Variants in NKAIN3 observed in about 807,000 individuals in gnomAD.
NKAIN3 encodes sodium/potassium-transporting ATPase subunit beta-1-interacting protein 3.
Under a neutral mutation model 30.2 loss-of-function variants are expected in NKAIN3, and 25 were observed. The observed-to-expected ratio is 0.83, with a 90% CI of 0.60 to 1.16. The LOEUF is 1.16. Ranked by LOEUF, NKAIN3 falls within the 50% of genes most tolerant of loss-of-function variation. The probability of loss-of-function intolerance (pLI) is 0.00; values close to 1 mark genes in which losing one functional copy is unlikely to be tolerated. For missense variants in NKAIN3, 225 were observed against 254.1 expected (o/e 0.89, Z 0.78); for synonymous variants, 91 against 89.6 (o/e 1.02, Z -0.09).
intron 1 of NKAIN3, among the ~76,000 whole-genome samples, chr8:62,323,157 A>C (rs1342243717): frequency 6.6e-6 from 1 of 152,164 alleles, no homozygotes; most frequent in Middle Eastern, 3.2e-3. Flanking sequence ...TTATCTTATG[A>C]CTCAGCAATT....
chr8:62,918,504 G>C lies in NKAIN3; in HGVS notation c.523G>C (p.Glu175Gln). ...TGTGATCAGTATTTCCATGGAAGAA[G>C]AAGACACATGTAAGTACTGTTTTCT... ...CYVISISMEE[E>Q]DTFDFIGGLD... is the part of the protein sequence containing the mutation. The change falls in exon 5 of 7, where the codon GAA becomes CAA. Residue 175 changes from glutamate to glutamine, a missense_variant. Coordinates refer to ENST00000623646, the MANE Select transcript of NKAIN3 (RefSeq NM_001304533.3). 1 of 1,611,496 alleles carries C rather than the reference G, an allele frequency of 6.2e-7. No homozygotes were observed. The highest frequency in any genetic ancestry group is 8.5e-7 in the Non-Finnish European group (1 of 1,177,790).
At chr8:62,291,692 G>T (rs1813639507) in intron 1 of NKAIN3, among the ~76,000 whole-genome samples, 1 of 152,200 alleles carries the variant, frequency 6.6e-6, no homozygotes, top group Non-Finnish European at 1.5e-5. Flanking sequence ...GCAGTGTGGT[G>T]CTGAGAAGAA....
At chr8:62,816,427 T>C (rs947725391) in intron 4 of NKAIN3, among the ~76,000 whole-genome samples, 2 of 152,176 alleles carry the variant, frequency 1.3e-5, no homozygotes, top group Non-Finnish European at 1.5e-5. Flanking sequence ...CAACTCTGCC[T>C]TGGGAGAAGG....
intron 1 of NKAIN3, among the ~76,000 whole-genome samples, chr8:62,522,128 A>G (rs1176357747): frequency 1.3e-5 from 2 of 152,136 alleles, no homozygotes; most frequent in African/African-American, 2.4e-5. Context: ...ATTCACATAT[A>G]AAACATGTAT....
rs573777699 is a variant in NKAIN3 at position 62,975,853 on chromosome 8, G to A, written c.*10446G>A. ...ATTTCCTTCTAAGCACTCCCTCTAAGCTCTATCCCAGAGATTCTGGTACAT... is the reference window on the plus strand; with the variant it reads ...ATTTCCTTCTAAGCACTCCCTCTAAACTCTATCCCAGAGATTCTGGTACAT... On this transcript the variant is annotated 3_prime_UTR_variant, in exon 7 of 7. Transcript: ENST00000623646. 2.6e-5 allele frequency among the ~76,000 whole-genome samples: 4 copies of A among 152,186 alleles called. No homozygotes were observed. The highest frequency in any genetic ancestry group is 1.3e-4 in the Admixed American group (2 of 15,268).
intron 6 of NKAIN3, among the ~76,000 whole-genome samples, chr8:62,964,010 G>T (rs967339888): frequency 7.2e-5 from 11 of 152,192 alleles, no homozygotes; most frequent in Admixed American, 7.2e-4. Context: ...GCTAGATGTG[G>T]TTATGAAGTG....
chr8:62,891,155 AG>A (rs1821285963), intron 4 of NKAIN3, among the ~76,000 whole-genome samples: 1 of 152,124 alleles, frequency 6.6e-6, no homozygotes, highest in Non-Finnish European at 1.5e-5. Context: ...GTGAACTGGG[AG>A]AGGCAGACCC....
At chr8:62,526,669 AC>A (rs1186526736) in intron 1 of NKAIN3, among the ~76,000 whole-genome samples, 1 of 152,100 alleles carries the variant, frequency 6.6e-6, no homozygotes, top group Non-Finnish European at 1.5e-5. Flanking sequence ...CTGTGTAAAT[AC>A]AGAATTACAG....
At chr8:62,871,681 G>T (rs150668064) in intron 4 of NKAIN3, among the ~76,000 whole-genome samples, 1 of 152,192 alleles carries the variant, frequency 6.6e-6, no homozygotes, top group African/African-American at 2.4e-5. Context: ...AGAGGAATTC[G>T]GGCTTTGGGA....
intron 1 of NKAIN3, among the ~76,000 whole-genome samples, chr8:62,507,606 C>A (rs1807683518): frequency 6.6e-6 from 1 of 152,142 alleles, no homozygotes; most frequent in South Asian, 2.1e-4. Flanking sequence ...TTGCAAACCA[C>A]AAAGCTGCCA....
rs1343006137 is a variant in NKAIN3 at position 62,345,675 on chromosome 8, T to C, written c.54+96548T>C. 2.2e-3 allele frequency among the ~76,000 whole-genome samples: 328 copies of C among 149,176 alleles called. 2 individuals carry two copies. Among genetic ancestry groups the C allele is most frequent in the African/African-American group, 7.7e-3 (313 of 40,620 alleles). ...CATATATACATATGTATACCTGGAA[T>C]ATATATACCAGACTATATATAATCA... On this transcript the variant is annotated intron_variant, in intron 1 of 6. Coordinates refer to ENST00000623646, the MANE Select transcript of NKAIN3 (RefSeq NM_001304533.3).
At chr8:62,988,166 C>T (rs998498789), downstream of NKAIN3, among the ~76,000 whole-genome samples, 3 of 152,226 alleles carry the variant, frequency 2.0e-5, no homozygotes, top group African/African-American at 7.2e-5. Context: ...TGTGGCTTTG[C>T]AGGGTACAAC....
chr8:62,990,369 T>G, intron 5 of NKAIN3: 2 of 1,249,952 alleles, frequency 1.6e-6, no homozygotes, highest in Non-Finnish European at 2.0e-6. Flanking sequence ...TCTAGTGCAG[T>G]CTAATATATA....
At chr8:62,532,994 T>C (rs1287355168) in intron 1 of NKAIN3, among the ~76,000 whole-genome samples, 1 of 152,216 alleles carries the variant, frequency 6.6e-6, no homozygotes, top group Non-Finnish European at 1.5e-5. Context: ...CTGTTCTGTG[T>C]CACTCTTTAG....
chr8:62,305,414 C>G (rs1814198514), intron 1 of NKAIN3, among the ~76,000 whole-genome samples: 1 of 150,436 alleles, frequency 6.6e-6, no homozygotes, highest in African/African-American at 2.5e-5. Context: ...TTGCAACAAC[C>G]TTAACAACTC....
chr8:62,760,082 T>G (rs1479465165), intron 4 of NKAIN3, among the ~76,000 whole-genome samples: 1 of 152,076 alleles, frequency 6.6e-6, no homozygotes, highest in African/African-American at 2.4e-5. Context: ...TGAGATACCA[T>G]CTCATGCCAC....
At chr8:62,918,627 T>C in intron 5 of NKAIN3, 114 bp downstream of exon 5, 7 of 746,726 alleles carry the variant, frequency 9.4e-6, no homozygotes, top group South Asian at 6.9e-5. Context: ...TCTAAAATGA[T>C]TGAACTCAGC....
At chr8:62,446,052 C>T (rs372493045) in intron 1 of NKAIN3, among the ~76,000 whole-genome samples, 11 of 152,196 alleles carry the variant, frequency 7.2e-5, no homozygotes, top group Middle Eastern at 3.4e-3. Context: ...TAGACACTAA[C>T]GATTAAATAT....
At chr8:62,646,520 A>T (rs1017524123) in intron 3 of NKAIN3, among the ~76,000 whole-genome samples, 1 of 152,092 alleles carries the variant, frequency 6.6e-6, no homozygotes, top group South Asian at 2.1e-4. Context: ...TGAACATAAA[A>T]CTCAAATGTA....
Sources: gnomAD v4.1 joint callset for allele counts (sites outside exome capture counted in the v4.1 genomes callset) on GRCh38, gnomAD v4.1.1 for gene constraint, MANE v1.5 for transcripts, NCBI Gene and HGNC (gene_info 2026-07-23, HGNC 2026-07-21) for gene names.